Variants in CDH13 observed in about 807,000 individuals in gnomAD.
The protein encoded by CDH13 is cadherin 13, also known as cadherin-13.
Under a neutral mutation model 63.8 loss-of-function variants are expected in CDH13, and 24 were observed. The ratio of observed to expected loss-of-function variants is 0.38; its 90% CI spans 0.27 to 0.53. The LOEUF (loss-of-function observed/expected upper bound fraction) is 0.53. Ranked by LOEUF, CDH13 falls within the 20% of genes least tolerant of loss-of-function variation. The pLI is 0.85. For synonymous variants in CDH13, 503 were observed against 355.3 expected (o/e 1.42, Z -4.67); for missense variants, 1,049 against 903.1 (o/e 1.16, Z -2.07).
At chr16:82,998,046 C>T (rs1037995338) in intron 2 of CDH13, among the ~76,000 whole-genome samples, 1 of 152,214 alleles carries the variant, frequency 6.6e-6, no homozygotes, top group East Asian at 1.9e-4. Flanking sequence ...CACTCACAGT[C>T]ATGGTCAATT....
intron 1 of CDH13, among the ~76,000 whole-genome samples, chr16:82,852,156 G>C (rs76831387): frequency 0.058 from 8,775 of 152,206 alleles, 414 homozygotes; most frequent in Admixed American, 0.16. Context: ...CTTTATTTGT[G>C]GCTGCTTTGG....
intron 2 of CDH13, among the ~76,000 whole-genome samples, chr16:82,978,741 T>C (rs1270763142): frequency 1.3e-5 from 2 of 152,232 alleles, no homozygotes; most frequent in African/African-American, 2.4e-5. Flanking sequence ...AGAACACTCA[T>C]GGAGAACCTC....
At chr16:83,186,696 G>T (rs990390060) in intron 4 of CDH13, among the ~76,000 whole-genome samples, 1 of 152,082 alleles carries the variant, frequency 6.6e-6, no homozygotes, top group African/African-American at 2.4e-5. Context: ...ATTTCTCAGG[G>T]CTAATGTTGA....
At chr16:82,763,840 G>A (rs1020574669) in intron 1 of CDH13, among the ~76,000 whole-genome samples, 4 of 152,160 alleles carry the variant, frequency 2.6e-5, no homozygotes, top group East Asian at 3.9e-4. Context: ...ACACCACCAC[G>A]CCCAGGTAAT....
At chr16:82,839,825 T>G (rs2038932695) in intron 1 of CDH13, among the ~76,000 whole-genome samples, 1 of 152,214 alleles carries the variant, frequency 6.6e-6, no homozygotes, top group African/African-American at 2.4e-5. Flanking sequence ...GATGATCCCT[T>G]TTCTTCCAAA....
At chr16:83,144,974 C>T (rs567347745) in intron 4 of CDH13, among the ~76,000 whole-genome samples, 1 of 152,328 alleles carries the variant, frequency 6.6e-6, no homozygotes, top group South Asian at 2.1e-4. Flanking sequence ...CCCTTCTTAG[C>T]ATCCTGGGGC....
chr16:82,911,573 C>T (rs2041830594), intron 2 of CDH13, among the ~76,000 whole-genome samples: 1 of 152,154 alleles, frequency 6.6e-6, no homozygotes, highest in Non-Finnish European at 1.5e-5. Context: ...GGTAATAGAG[C>T]CTATCCTGCA....
rs112466588 is a variant in CDH13 at position 83,445,117 on chromosome 16, C to T, written c.782-41360C>T. ...CATGGCAGTGGAGTCTGAATAAACT[C>T]ACAGGTGTGACCTCCTTCCATGCCA... On this transcript the variant is annotated intron_variant, in intron 6 of 13. Coordinates refer to ENST00000567109, the MANE Select transcript of CDH13 (RefSeq NM_001257.5). Among the ~76,000 whole-genome samples, 944 of 152,218 alleles carry T rather than the reference C, an allele frequency of 6.2e-3. 7 individuals carry two copies. Among genetic ancestry groups the T allele is most frequent in the African/African-American group, 0.022 (895 of 41,536 alleles).
chr16:82,919,374 C>T (rs780609206), intron 2 of CDH13, among the ~76,000 whole-genome samples: 2 of 152,148 alleles, frequency 1.3e-5, no homozygotes, highest in African/African-American at 2.4e-5. Flanking sequence ...CCTCCACCCT[C>T]AAATAGGTCC....
In CDH13 at chr16:83,669,597, T is replaced by C. The variant is rs549996902; in HGVS notation, c.1102-1193T>C. On this transcript the variant is annotated intron_variant, in intron 8 of 13. Transcript: ENST00000567109. ...CAGCTCTCCTTTTATGGAAGACAAC[T>C]CGCCCAGGTTTGCCGAGGCGCAATA... Among the ~76,000 whole-genome samples, 127 of 152,238 alleles carry C rather than the reference T, an allele frequency of 8.3e-4. 1 individual carries two copies. The highest frequency in any genetic ancestry group is 1.5e-3 in the Non-Finnish European group (105 of 68,012).
chr16:83,365,095 G>A (rs78895225), intron 6 of CDH13, among the ~76,000 whole-genome samples: 13,264 of 152,250 alleles, frequency 0.087, 799 homozygotes, highest in Non-Finnish European at 0.13. Context: ...AAAGGATATT[G>A]GTTATTATGA....
intron 10 of CDH13, among the ~76,000 whole-genome samples, chr16:83,706,912 C>G (rs1181824126): frequency 9.2e-6 from 1 of 108,166 alleles, no homozygotes; most frequent in African/African-American, 3.9e-5. Context: ...TCCTGGGTGG[C>G]CTGTCTTGAG....
intron 5 of CDH13, among the ~76,000 whole-genome samples, chr16:83,266,634 C>T (rs762450970): frequency 5.9e-5 from 9 of 152,174 alleles, no homozygotes; most frequent in Admixed American, 1.3e-4. Flanking sequence ...GTAGACTGTG[C>T]CCTTTACTAA....
intron 7 of CDH13, among the ~76,000 whole-genome samples, chr16:83,511,094 A>ATGCACACACACATGCACACG (rs2074548591): frequency 6.6e-6 from 1 of 151,222 alleles, no homozygotes. Flanking sequence ...GCACACACAC[A>ATGCACACACACATGCACACG]TGCACACATG....
At chr16:82,840,393 A>AAG (rs1257612272) in intron 1 of CDH13, among the ~76,000 whole-genome samples, 3 of 151,588 alleles carry the variant, frequency 2.0e-5, no homozygotes, top group Non-Finnish European at 2.9e-5. Flanking sequence ...AAAAAAAAAA[A>AAG]AAAACTTGGC....
chr16:83,152,415 A>G (rs2037023110), intron 4 of CDH13, among the ~76,000 whole-genome samples: 1 of 152,276 alleles, frequency 6.6e-6, no homozygotes, highest in African/African-American at 2.4e-5. Context: ...AAACAATATT[A>G]TAGCATTGTT....
At chr16:83,445,032 C>G (rs1330534077) in intron 6 of CDH13, among the ~76,000 whole-genome samples, 1 of 152,082 alleles carries the variant, frequency 6.6e-6, no homozygotes, top group East Asian at 1.9e-4. Flanking sequence ...TGAGGCCATG[C>G]TAGTTAATTA....
chr16:83,263,370 C>CT (rs1907210768), intron 5 of CDH13, among the ~76,000 whole-genome samples: 1 of 152,156 alleles, frequency 6.6e-6, no homozygotes, highest in South Asian at 2.1e-4. Flanking sequence ...GAAAATCAGG[C>CT]TGATAGTGTT....
intron 6 of CDH13, among the ~76,000 whole-genome samples, chr16:83,388,239 G>T (rs1470383496): frequency 6.6e-6 from 1 of 150,738 alleles, no homozygotes; most frequent in Non-Finnish European, 1.5e-5. Flanking sequence ...TTAAGTCCAG[G>T]AGTTGGAGAC....
Sources: gnomAD v4.1 joint callset for allele counts (sites outside exome capture counted in the v4.1 genomes callset) on GRCh38, gnomAD v4.1.1 for gene constraint, MANE v1.5 for transcripts, NCBI Gene and HGNC (gene_info 2026-07-23, HGNC 2026-07-21) for gene names.